The following UGGT2 variants were observed in gnomAD, a reference collection of about 807,000 sequenced individuals.
UGGT2 encodes UDP-glucose glycoprotein glucosyltransferase 2, also known as UDP-glucose:glycoprotein glucosyltransferase 2.
A neutral mutation model predicts 192.1 loss-of-function variants in UGGT2; 180 were observed. That is an observed-to-expected ratio of 0.94 (90% CI 0.83 to 1.06). UGGT2 has a LOEUF of 1.06. Among genes scored for constraint, UGGT2 ranks in the 50% least tolerant of loss-of-function variants. The pLI is 0.00. For missense variants in UGGT2, 1,849 were observed against 1,795.7 expected (o/e 1.03, Z -0.54); for synonymous variants, 580 against 591.0 (o/e 0.98, Z 0.27).
At chr13:95,828,045 T>C (rs1255839894) in intron 38 of UGGT2, among the ~76,000 whole-genome samples, 2 of 152,072 alleles carry the variant, frequency 1.3e-5, no homozygotes, top group East Asian at 3.9e-4. Flanking sequence ...AAATCACTAG[T>C]CACAAACTGC....
chr13:95,926,334 G>T (rs1452292638), intron 19 of UGGT2, among the ~76,000 whole-genome samples: 1 of 152,010 alleles, frequency 6.6e-6, no homozygotes, highest in Non-Finnish European at 1.5e-5. Context: ...CTATATAAAA[G>T]TTTGCCCCTT....
chr13:95,896,449 T>A (rs2047948760), intron 22 of UGGT2, among the ~76,000 whole-genome samples: 1 of 152,130 alleles, frequency 6.6e-6, no homozygotes, highest in South Asian at 2.1e-4. Context: ...TGATATAATT[T>A]TTAAAGCAAC....
chr13:95,986,403 T>C lies in UGGT2; in HGVS notation c.961A>G (p.Met321Val), dbSNP rs1347229381. 6 of 1,602,364 alleles carry C rather than the reference T, an allele frequency of 3.7e-6. No homozygotes were observed. The highest frequency in any genetic ancestry group is 2.2e-5 in the South Asian group (2 of 89,872). The change falls in exon 9 of 39, where the codon ATG becomes GTG. Residue 321 changes from methionine (M) to valine (V), a missense_variant. Met to Val is a conservative substitution (Grantham distance 21, BLOSUM62 1). Transcript: ENST00000376747. ...ATGGAATCATAAACTGGAGCGGACA[T>C]TATTTGAGAAGCTGCTTGAAAACTA... Reference protein sequence around the residue: ...DLSFQAASQIMSAPVYDSIKL... With the variant: ...DLSFQAASQIVSAPVYDSIKL...
chr13:96,002,037 T>C (rs947260704), intron 5 of UGGT2, among the ~76,000 whole-genome samples: 7 of 152,252 alleles, frequency 4.6e-5, no homozygotes, highest in African/African-American at 1.4e-4. Context: ...CAGTCAACAG[T>C]AGGTTATTAC....
chr13:95,805,268 T>C (rs998205567), intron 38 of UGGT2, among the ~76,000 whole-genome samples: 3 of 144,982 alleles, frequency 2.1e-5, no homozygotes, highest in Non-Finnish European at 4.5e-5. Context: ...GTATGACTGC[T>C]ATAAAAAAAA....
chr13:95,960,698 T>C (rs2050362258), intron 12 of UGGT2, among the ~76,000 whole-genome samples: 1 of 152,166 alleles, frequency 6.6e-6, no homozygotes, highest in African/African-American at 2.4e-5. Flanking sequence ...GCACAGAGAT[T>C]CCCAAATAGA....
At chr13:95,951,182 T>C (rs1384117749) in intron 12 of UGGT2, among the ~76,000 whole-genome samples, 12 of 152,074 alleles carry the variant, frequency 7.9e-5, no homozygotes, top group African/African-American at 2.9e-4. Context: ...AAAGAAACGA[T>C]GTCTAAATAA....
chr13:95,858,211 C>T (rs1889808370), intron 33 of UGGT2, among the ~76,000 whole-genome samples: 2 of 151,780 alleles, frequency 1.3e-5, no homozygotes, highest in South Asian at 4.2e-4. Flanking sequence ...CACCCTATCT[C>T]CCAGGAAATA....
chr13:95,916,884 C>T (rs952518378), intron 20 of UGGT2, among the ~76,000 whole-genome samples: 4 of 151,852 alleles, frequency 2.6e-5, no homozygotes, highest in African/African-American at 7.3e-5. Flanking sequence ...ACAAAACCTC[C>T]GAGAACTATA....
intron 1 of UGGT2, among the ~76,000 whole-genome samples, chr13:96,040,669 C>T (rs2053139068): frequency 6.6e-6 from 1 of 152,096 alleles, no homozygotes; most frequent in African/African-American, 2.4e-5. Flanking sequence ...GTAAAAAATG[C>T]ATTTAATACC....
At position 95,937,071 on chromosome 13, in the gene UGGT2, A is replaced by G. The variant is rs1566727169; in HGVS notation, c.1830T>C (p.Tyr610=). ...DEERKAGASF[Y]KMTGLGPLPQ... is the part of the protein sequence containing the mutation. ...GCAAAGGACCCAGGCCAGTCATCTTATAAAAGCTTGCTCCAGCCTATTCAG... is the reference window on the plus strand; with the variant it reads ...GCAAAGGACCCAGGCCAGTCATCTTGTAAAAGCTTGCTCCAGCCTATTCAG... Residue 610 remains tyrosine, a synonymous_variant, in exon 17 of 39, where the codon TAT becomes TAC. Coordinates refer to ENST00000376747, the MANE Select transcript of UGGT2 (RefSeq NM_020121.4). 1 of 1,598,148 alleles carries G rather than the reference A, an allele frequency of 6.3e-7. No homozygotes were observed. The highest frequency in any genetic ancestry group is 8.5e-7 in the Non-Finnish European group (1 of 1,176,562).
At position 95,947,459 on chromosome 13, in the gene UGGT2, TA is replaced by T. The variant is rs67855560; in HGVS notation, c.1542-288del. On this transcript the variant is annotated intron_variant, in intron 14 of 38. Coordinates refer to ENST00000376747, the MANE Select transcript of UGGT2 (RefSeq NM_020121.4). ...AGGGTAAATATACTCTTTTTATTTT[TA>T]TTTTTTTTGAGACAAGAGTCTCGCT... is the stretch of plus-strand genomic sequence containing the variant. Among the ~76,000 whole-genome samples, 137 of 122,034 alleles carry T rather than the reference TA, an allele frequency of 1.1e-3. 2 individuals carry two copies. The highest frequency in any genetic ancestry group is 4.1e-3 in the Middle Eastern group (1 of 242). 80.1% of individuals were successfully genotyped at this position (122,034 alleles called of 152,430 possible).
At chr13:95,906,922 G>T (rs564084616) in intron 20 of UGGT2, among the ~76,000 whole-genome samples, 218 of 152,302 alleles carry the variant, frequency 1.4e-3, no homozygotes, top group African/African-American at 4.9e-3. Context: ...ATCTCAATGG[G>T]ACTGGTTGGA....
chr13:95,814,889 G>C (rs1008126804), intron 38 of UGGT2, among the ~76,000 whole-genome samples: 2 of 152,138 alleles, frequency 1.3e-5, no homozygotes, highest in Admixed American at 1.3e-4. Flanking sequence ...TCATAGCCAA[G>C]TAGACTTTAT....
At chr13:95,995,976 G>A in intron 7 of UGGT2, 87 bp downstream of exon 7, 1 of 1,129,910 alleles carries the variant, frequency 8.9e-7, no homozygotes, top group Non-Finnish European at 1.3e-6. Context: ...AAAGAAAGGT[G>A]AAGCATATGG....
intron 29 of UGGT2, chr13:95,876,779 G>A (rs979990788): frequency 1.3e-5 from 2 of 152,052 alleles, no homozygotes; most frequent in Non-Finnish European, 2.9e-5. Context: ...CATGTGTGGA[G>A]TGGATAGTTG....
chr13:95,983,948 G>A, intron 9 of UGGT2, 84 bp from the exon 10 acceptor site: 2 of 874,040 alleles, frequency 2.3e-6, no homozygotes, highest in South Asian at 3.1e-5. Flanking sequence ...CTAATACTTT[G>A]GATAAGAAGC....
At chr13:96,015,654 A>G (rs2139083305) in intron 4 of UGGT2, among the ~76,000 whole-genome samples, 1 of 152,348 alleles carries the variant, frequency 6.6e-6, no homozygotes. Flanking sequence ...ACAAATTAGC[A>G]TTGGTAAAAA....
chr13:96,053,381 G>T lies in UGGT2; in HGVS notation c.-69C>A, dbSNP rs975164900. 2 of 1,521,478 alleles carry T rather than the reference G, an allele frequency of 1.3e-6. No individual in the cohort carries two copies. The highest frequency in any genetic ancestry group is 1.7e-6 in the Non-Finnish European group (2 of 1,144,122). The allele number at this position is 1,521,478 out of a possible 1,614,324, so 94.2% of individuals were successfully genotyped here. On this transcript the variant is annotated 5_prime_UTR_variant, in exon 1 of 39. Coordinates refer to ENST00000376747, the MANE Select transcript of UGGT2 (RefSeq NM_020121.4). ...AGTCTGTGGCCGCCACGCTTCGGCC[G>T]GCTCTTCCCGCTGCGCGGCTGCCCA...
Sources: gnomAD v4.1 joint callset for allele counts (sites outside exome capture counted in the v4.1 genomes callset) on GRCh38, gnomAD v4.1.1 for gene constraint, MANE v1.5 for transcripts, NCBI Gene and HGNC (gene_info 2026-07-23, HGNC 2026-07-21) for gene names.